BCAR1: variants seen among roughly 807,000 people sequenced by gnomAD.
BCAR1 encodes the protein BCAR1 scaffold protein, Cas family member.
Under a neutral mutation model 67.6 loss-of-function variants are expected in BCAR1, and 30 were observed. The observed-to-expected ratio is 0.44, with a 90% CI of 0.33 to 0.60. BCAR1 has a LOEUF of 0.60. Ranked by LOEUF, BCAR1 falls within the 20% of genes least tolerant of loss-of-function variation. The probability of loss-of-function intolerance (pLI) is 0.02; values close to 1 mark genes in which losing one functional copy is unlikely to be tolerated. For missense variants in BCAR1, 1,313 were observed against 1,222.3 expected (o/e 1.07, Z -1.11); for synonymous variants, 626 against 556.7 (o/e 1.12, Z -1.75).
chr16:75,258,455 C>T (rs1007601190), intron 1 of BCAR1, among the ~76,000 whole-genome samples: 14 of 152,220 alleles, frequency 9.2e-5, no homozygotes, highest in Non-Finnish European at 2.9e-5. Flanking sequence ...CGCCTCCTGA[C>T]TGAGGTCTAA....
chr16:75,242,594 C>T lies in BCAR1; in HGVS notation c.509G>A (p.Gly170Glu), dbSNP rs2077383542. ...AATATCCTGGGCAGGGCCTCCAGGC[C>T]CTGGGGGCACCTGGTACAGGTCTGT... is the stretch of plus-strand genomic sequence containing the variant. ...PATDLYQVPPGPGGPAQDIYQ... is the reference protein window; with the variant it reads ...PATDLYQVPPEPGGPAQDIYQ... The change falls in exon 2 of 7, where the codon GGG becomes GAG. Residue 170 changes from glycine (G) to glutamate (E), a missense_variant. Around this residue, in one of 2 missense-constraint regions of BCAR1, gnomAD observed 1,272 missense variants for 1,137.5 expected, o/e 1.12. Coordinates refer to ENST00000162330, the MANE Select transcript of BCAR1 (RefSeq NM_014567.5). 1 of 1,497,826 alleles carries T rather than the reference C, an allele frequency of 6.7e-7. No individual in the cohort carries two copies. Among genetic ancestry groups the T allele is most frequent in the African/African-American group, 1.4e-5 (1 of 70,768 alleles). The allele number at this position is 1,497,826 out of a possible 1,614,324, so 92.8% of individuals were successfully genotyped here.
intron 1 of BCAR1, among the ~76,000 whole-genome samples, chr16:75,245,384 C>G (rs1412833860): frequency 1.3e-5 from 2 of 152,312 alleles, no homozygotes; most frequent in East Asian, 3.9e-4. Flanking sequence ...CAGAGGGGAC[C>G]GCCCCGCGAA....
chr16:75,260,459 C>A (rs1160273039), intron 1 of BCAR1, among the ~76,000 whole-genome samples: 2 of 151,976 alleles, frequency 1.3e-5, no homozygotes, highest in Non-Finnish European at 2.9e-5. Context: ...CATGGTGAAA[C>A]CGTGTCTCTA....
At chr16:75,247,980 C>T (rs559900161) in intron 1 of BCAR1, 18 of 894,228 alleles carry the variant, frequency 2.0e-5, no homozygotes, top group African/African-American at 6.5e-5. Flanking sequence ...TTCCTCCCTG[C>T]GGGAGGCAGA....
At position 75,229,302 on chromosome 16, in the gene BCAR1, C is replaced by T. The variant is rs973834507; in HGVS notation, c.*209G>A. 2.1e-5 allele frequency: 17 copies of T among 811,368 alleles called. No homozygotes were observed. Among genetic ancestry groups the T allele is most frequent in the Admixed American group, 1.4e-4 (4 of 29,420 alleles). The allele number at this position is 811,368 out of a possible 1,614,324, so 50.3% of individuals were successfully genotyped here. ...GTGCATGCTGGGGAAGGCCACTGGCCGGCCCCTGGGCTTCGGCTCCTGAGG... is the reference window on the plus strand; with the variant it reads ...GTGCATGCTGGGGAAGGCCACTGGCTGGCCCCTGGGCTTCGGCTCCTGAGG... On this transcript the variant is annotated 3_prime_UTR_variant, in exon 7 of 7. Transcript: ENST00000162330.
At chr16:75,233,999 C>T (rs1005149331) in intron 5 of BCAR1, 64 bp from the exon 6 acceptor site, 5 of 1,500,922 alleles carry the variant, frequency 3.3e-6, no homozygotes, top group Admixed American at 2.0e-5. Context: ...CAGGCCAGCC[C>T]TGTGGCGGGC....
chr16:75,235,730 G>T lies in BCAR1; in HGVS notation c.1169C>A (p.Pro390His), dbSNP rs755386874. 6.2e-7 allele frequency: 1 copy of T among 1,605,348 alleles called. No homozygotes were observed. The highest frequency in any genetic ancestry group is 1.1e-5 in the South Asian group (1 of 89,428). ...CTCAGGAGGAAGCACCCGTTCACGG[G>T]GCACATCGTACAGGGTGCCCGGGCC... is the stretch of plus-strand genomic sequence containing the variant. ...RPGPGTLYDV[P>H]RERVLPPEVA... The change falls in exon 5 of 7, where the codon CCC (proline) becomes CAC (histidine). Residue 390 changes from proline (P) to histidine (H), a missense_variant. Pro to His is a moderately conservative substitution (Grantham distance 77, BLOSUM62 -2). This residue lies in a region of BCAR1 where 1,272 missense variants were observed against 1,137.5 expected (regional missense o/e 1.12). Coordinates refer to ENST00000162330, the MANE Select transcript of BCAR1 (RefSeq NM_014567.5).
upstream of BCAR1, among the ~76,000 whole-genome samples, chr16:75,254,898 T>C (rs1053700097): frequency 6.6e-6 from 1 of 152,126 alleles, no homozygotes; most frequent in African/African-American, 2.4e-5. Flanking sequence ...TGGACCCAAG[T>C]GGAAAGATAA....
Position 75,229,856 on chromosome 16 carries a change from G to C in BCAR1, c.2268C>G (p.Thr756=). Reference sequence around the variant, plus strand: ...AGGCGTCCACGGCGTTGGTCAGTGTGGTCAGGTTGGCCTCACACTGCTCCA... The same window carrying C: ...AGGCGTCCACGGCGTTGGTCAGTGTCGTCAGGTTGGCCTCACACTGCTCCA... ...FYLEQCEANL[T]TLTNAVDAFF... Residue 756 remains threonine (T), a synonymous_variant, in exon 7 of 7, where the codon ACC becomes ACG. Coordinates refer to ENST00000162330, the MANE Select transcript of BCAR1 (RefSeq NM_014567.5). 2.5e-6 allele frequency: 4 copies of C among 1,613,356 alleles called. No homozygotes were observed. In the East Asian group the frequency reaches 6.7e-5, roughly 27 times the overall value.
At chr16:75,232,397 T>C (rs2076931862) in intron 6 of BCAR1, among the ~76,000 whole-genome samples, 1 of 152,160 alleles carries the variant, frequency 6.6e-6, no homozygotes, top group South Asian at 2.1e-4. Flanking sequence ...TGACCTCAAG[T>C]GATCTGCCCG....
chr16:75,243,552 C>T (rs200773194), intron 1 of BCAR1: 1 of 369,684 alleles, frequency 2.7e-6, no homozygotes, highest in Non-Finnish European at 5.2e-6. Flanking sequence ...AACAATAAGA[C>T]AGAGCTTCCT....
intron 1 of BCAR1, among the ~76,000 whole-genome samples, chr16:75,267,303 T>C (rs891842893): frequency 6.6e-5 from 10 of 151,002 alleles, no homozygotes; most frequent in African/African-American, 2.0e-4. Flanking sequence ...CCTTCACCTC[T>C]TGAGTGGGGT....
chr16:75,258,747 G>A (rs1399174263), intron 1 of BCAR1, among the ~76,000 whole-genome samples: 2 of 152,252 alleles, frequency 1.3e-5, no homozygotes, highest in African/African-American at 4.8e-5. Context: ...AGCCAGTGTG[G>A]CCGCAGGAGC....
chr16:75,238,432 C>G (rs1169666822), intron 2 of BCAR1: 2 of 1,027,786 alleles, frequency 1.9e-6, no homozygotes, highest in African/African-American at 3.5e-5. Context: ...GGCAGCAGCG[C>G]CAAAGCAGCC....
At chr16:75,245,367 G>A (rs1407303921) in intron 1 of BCAR1, among the ~76,000 whole-genome samples, 2 of 152,360 alleles carry the variant, frequency 1.3e-5, no homozygotes, top group East Asian at 3.9e-4. Context: ...GAAGGTGGGG[G>A]TTTAGACAGA....
At chr16:75,233,327 C>T (rs1045129214) in intron 6 of BCAR1, among the ~76,000 whole-genome samples, 8 of 151,738 alleles carry the variant, frequency 5.3e-5, no homozygotes, top group South Asian at 2.1e-4. Flanking sequence ...GAGTTGAGAT[C>T]GCATCACTGT....
rs1160062536 is a variant in BCAR1 at position 75,235,284 on chromosome 16, C to A, written c.1615G>T (p.Ala539Ser). 5 of 1,606,186 alleles carry A rather than the reference C, an allele frequency of 3.1e-6. No homozygotes were observed. Among genetic ancestry groups the A allele is most frequent in the Non-Finnish European group, 4.3e-6 (5 of 1,174,696 alleles). Residue 539 changes from alanine (A) to serine (S), a missense_variant, in exon 5 of 7, where the codon GCC becomes TCC. By Grantham distance (99) the Ala-to-Ser change is moderately conservative. Coordinates refer to ENST00000162330, the MANE Select transcript of BCAR1 (RefSeq NM_014567.5). ...AAHTSDRALH[A>S]KLSRQLQKME... ...TTCTGCAGCTGCCGGCTAAGCTTGG[C>A]ATGCAGGGCACGGTCAGATGTGTGG...
intron 1 of BCAR1, among the ~76,000 whole-genome samples, chr16:75,245,521 C>A (rs1415400842): frequency 6.6e-6 from 1 of 152,216 alleles, no homozygotes; most frequent in Non-Finnish European, 1.5e-5. Flanking sequence ...AGGGAAGGGC[C>A]CTGCAGGGAG....
At chr16:75,236,797 C>G (rs752597816) in intron 4 of BCAR1, 85 bp downstream of exon 4, 2 of 1,509,168 alleles carry the variant, frequency 1.3e-6, no homozygotes, top group East Asian at 4.8e-5. Context: ...CCCAGCCCTG[C>G]AGACACTGGT....
Sources: gnomAD v4.1 joint callset for allele counts (sites outside exome capture counted in the v4.1 genomes callset) on GRCh38, gnomAD v4.1.1 for gene constraint, gnomAD v4.1.1 regional missense constraint, MANE v1.5 for transcripts, NCBI Gene and HGNC (gene_info 2026-07-23, HGNC 2026-07-21) for gene names.